PNPLA7: variants seen among roughly 807,000 people sequenced by gnomAD.
The protein encoded by PNPLA7 is patatin-like phospholipase domain-containing protein 7.
PNPLA7 carries 153 observed loss-of-function variants against 161.7 expected under a neutral mutation model. The ratio of observed to expected loss-of-function variants is 0.95; its 90% CI spans 0.83 to 1.08. The LOEUF (loss-of-function observed/expected upper bound fraction) is 1.08. Ranked by LOEUF, PNPLA7 falls within the 50% of genes least tolerant of loss-of-function variation. The probability of loss-of-function intolerance (pLI) is 0.00; values close to 1 mark genes in which losing one functional copy is unlikely to be tolerated. For synonymous variants in PNPLA7, 809 were observed against 782.1 expected (o/e 1.03, Z -0.57); for missense variants, 1,739 against 1,856.6 (o/e 0.94, Z 1.16).
chr9:137,510,124 C>T (rs552016758), intron 12 of PNPLA7, among the ~76,000 whole-genome samples: 3 of 152,238 alleles, frequency 2.0e-5, no homozygotes, highest in South Asian at 4.1e-4. Flanking sequence ...CGTTACCAGG[C>T]GGATCATGGT....
chr9:137,540,726 C>A lies in PNPLA7; in HGVS notation c.667-4G>T, dbSNP rs75956365. 5 of 1,606,362 alleles carry A rather than the reference C, an allele frequency of 3.1e-6. No homozygotes were observed. The highest frequency in any genetic ancestry group is 4.2e-6 in the Non-Finnish European group (5 of 1,176,778). ...TCACCACCACCTCGGTGCCGTCCTGCGCTTGGAGAGCAGAGTGGGTGCCGT... is the reference window on the plus strand; with the variant it reads ...TCACCACCACCTCGGTGCCGTCCTGAGCTTGGAGAGCAGAGTGGGTGCCGT... On this transcript the variant is annotated splice_polypyrimidine_tract_variant and splice_region_variant and intron_variant, in intron 7 of 34. Coordinates refer to ENST00000406427, the MANE Select transcript of PNPLA7 (RefSeq NM_001098537.3). The surrounding 1 kb of genome is among the most constrained non-coding windows in gnomAD (Gnocchi z 5.1).
rs934554421 is a variant in PNPLA7, at chr9:137,511,221, G to A, written c.1225+4158C>T. Among the ~76,000 whole-genome samples the A allele has an allele frequency of 4.7e-4, 72 of 151,968 alleles. 3 individuals carry two copies. The highest frequency in any genetic ancestry group is 2.1e-4 in the South Asian group (1 of 4,832). On this transcript the variant is annotated intron_variant, in intron 12 of 34. Transcript: ENST00000406427. ...GTTACTTAGTGGACCTTGGTCTGGC[G>A]GTAGCGCCAGCGCCTGGGAAGGCAC... is the stretch of plus-strand genomic sequence containing the variant.
rs1836333725 is a variant in PNPLA7, at chr9:137,543,610, GC to G, written c.366-39del. 1 of 1,605,972 alleles carries G rather than the reference GC, an allele frequency of 6.2e-7. No individual in the cohort carries two copies. Among genetic ancestry groups the G allele is most frequent in the South Asian group, 1.1e-5 (1 of 89,814 alleles). On this transcript the variant is annotated intron_variant, in intron 5 of 34. Coordinates refer to ENST00000406427, the MANE Select transcript of PNPLA7 (RefSeq NM_001098537.3). The surrounding 1 kb of genome is among the most constrained non-coding windows in gnomAD (Gnocchi z 6.9). ...GACACACTAGCCTTGAGCAGACCAG[GC>G]GGGTTCGAAACCCACAGCATCAGTG...
chr9:137,525,152 G>A lies in PNPLA7; in HGVS notation c.748-2295C>T, dbSNP rs994835637. On this transcript the variant is annotated intron_variant, in intron 8 of 34. Transcript: ENST00000406427. Reference sequence around the variant, plus strand: ...CAGCCCAACCTCCCACCTGCGGGGAGGGGAGGAAGCTAGACATCGAGTTGG... The same window carrying A: ...CAGCCCAACCTCCCACCTGCGGGGAAGGGAGGAAGCTAGACATCGAGTTGG... Among the ~76,000 whole-genome samples, 4 of 152,334 alleles carry A rather than the reference G, an allele frequency of 2.6e-5. No individual in the cohort carries two copies. In the East Asian group the frequency reaches 7.7e-4, roughly 29 times the overall value.
intron 33 of PNPLA7, chr9:137,461,064 G>A: frequency 2.7e-6 from 1 of 371,920 alleles, no homozygotes; most frequent in Non-Finnish European, 5.0e-6. Context: ...CTTGCCCAGG[G>A]CCCTCTCGGC....
intron 20 of PNPLA7, among the ~76,000 whole-genome samples, chr9:137,487,994 A>G (rs1222326130): frequency 2.0e-5 from 3 of 152,266 alleles, no homozygotes; most frequent in African/African-American, 7.2e-5. Context: ...CTAGGCGCTG[A>G]GTGGAAGGCA....
chr9:137,532,795 G>A (rs1835647206), intron 8 of PNPLA7, among the ~76,000 whole-genome samples: 1 of 152,128 alleles, frequency 6.6e-6, no homozygotes, highest in African/African-American at 2.4e-5. Context: ...TTTTCCCCGT[G>A]GCCAGAGGAC....
chr9:137,539,112 G>T (rs1836050467), intron 8 of PNPLA7, among the ~76,000 whole-genome samples: 1 of 152,026 alleles, frequency 6.6e-6, no homozygotes, highest in South Asian at 2.1e-4. Context: ...CCAGCACTTT[G>T]GGAGGCCAAG....
rs1049767788 is a variant in PNPLA7, at chr9:137,500,305, CAG to C, written c.1757+384_1757+385del. ...GCTCCCGACACGTCAGCCCAGGCTG[CAG>C]AGGTGGGACGGCTCACGGCCCCTGA... On this transcript the variant is annotated intron_variant, in intron 16 of 34. Transcript: ENST00000406427. This position sits in a 1 kb window ranked among gnomAD's most constrained non-coding sequence, Gnocchi z 5.5. 2.0e-5 allele frequency among the ~76,000 whole-genome samples: 3 copies of C among 152,202 alleles called. No homozygotes were observed. The highest frequency in any genetic ancestry group is 7.2e-5 in the African/African-American group (3 of 41,420).
chr9:137,516,634 T>C (rs1256353370), intron 11 of PNPLA7: 4 of 504,242 alleles, frequency 7.9e-6, no homozygotes, highest in Admixed American at 6.4e-5. Flanking sequence ...CGTAGTAAGA[T>C]GCCATCTTTA....
rs1383111772 is a variant in PNPLA7 at position 137,462,199 on chromosome 9, C to G, written c.3625G>C (p.Gly1209Arg). The change falls in exon 31 of 35, where the codon GGC becomes CGC. Residue 1209 changes from glycine to arginine, a missense_variant. Gly to Arg is a moderately radical substitution (Grantham distance 125, BLOSUM62 -2). Transcript: ENST00000406427. ...CTCACGCAGATCTCGTTGAACTTGC[C>G]GAAGTCCAGGGTGCTGTAGCTGTCG... ...PIDSYSTLDF[G>R]KFNEICEVGY... The G allele has an allele frequency of 1.9e-6, 3 of 1,571,484 alleles. No individual in the cohort carries two copies. Among genetic ancestry groups the G allele is most frequent in the South Asian group, 1.2e-5 (1 of 86,464 alleles).
At position 137,467,473 on chromosome 9, in the gene PNPLA7, T is replaced by C. The variant is rs768310848; in HGVS notation, c.2883A>G (p.Arg961=). 1 of 1,612,688 alleles carries C rather than the reference T, an allele frequency of 6.2e-7. No individual in the cohort carries two copies. The highest frequency in any genetic ancestry group is 2.2e-5 in the East Asian group (1 of 44,884). ...TGAGAACGCCCACCTGGGCACAGCC[T>C]CTACACCAGCCAGGGACACAGAGCA... ...IALVLGGGGA[R]GCAQVGVLKA... The change falls in exon 26 of 35, where the codon AGA becomes AGG. Residue 961 remains arginine, a splice_region_variant and synonymous_variant. Transcript: ENST00000406427. The surrounding 1 kb of genome is among the most constrained non-coding windows in gnomAD (Gnocchi z 5.1).
intron 12 of PNPLA7, 124 bp downstream of exon 12, chr9:137,515,255 G>T: frequency 1.5e-6 from 2 of 1,297,242 alleles, no homozygotes; most frequent in East Asian, 2.6e-5. Context: ...CCCTGGGCAC[G>T]TGGGGCTCTA....
rs765928280 is a variant in PNPLA7, at chr9:137,521,702, C to T, written c.891G>A (p.Arg297=). 2 of 1,610,946 alleles carry T rather than the reference C, an allele frequency of 1.2e-6. No individual in the cohort carries two copies. The highest frequency in any genetic ancestry group is 1.7e-6 in the Non-Finnish European group (2 of 1,179,730). ...GAGCCAGAAAGGTCACCCTCTGCAG[C>T]CGCACCATGATGATCTGCAAGAACA... ...LVRVVQIIMV[R]LQRVTFLALH... Residue 297 remains arginine, a synonymous_variant, in exon 10 of 35, where the codon CGG becomes CGA. Transcript: ENST00000406427.
intron 14 of PNPLA7, among the ~76,000 whole-genome samples, chr9:137,503,918 G>GGAA (rs200718427): frequency 6.6e-5 from 1 of 15,240 alleles, no homozygotes; most frequent in Non-Finnish European, 1.3e-4. Flanking sequence ...GAAAGAAGAA[G>GGAA]GAAGAAGAAG....
chr9:137,469,014 A>T (rs1442020214), intron 25 of PNPLA7, among the ~76,000 whole-genome samples: 2 of 152,234 alleles, frequency 1.3e-5, no homozygotes, highest in Non-Finnish European at 2.9e-5. Flanking sequence ...ATTGCACTCC[A>T]GCCTGGGCAA....
rs760675381 is a variant in PNPLA7, at chr9:137,461,991, G to A, written c.3696C>T (p.Ser1232=). Residue 1232 remains serine (S), a synonymous_variant, in exon 32 of 35, where the codon AGC becomes AGT. Transcript: ENST00000406427. ...CGCGGAGCATCTTCTCCAGCACGCC[G>A]CTGCGGCCCCAGATGTCAAACACCG... ...GRTVFDIWGR[S]GVLEKMLRDQ... 6 of 1,602,464 alleles carry A rather than the reference G, an allele frequency of 3.7e-6. No homozygotes were observed. In the South Asian group the frequency reaches 4.5e-5, roughly 12 times the overall value.
At chr9:137,495,002 C>T (rs376791945) in intron 19 of PNPLA7, 31 bp downstream of exon 19, 123 of 1,570,170 alleles carry the variant, frequency 7.8e-5, no homozygotes, top group African/African-American at 2.2e-4. Flanking sequence ...CACCCTCATC[C>T]GCTCCGCATC....
intron 12 of PNPLA7, among the ~76,000 whole-genome samples, chr9:137,506,551 G>C (rs1035972056): frequency 5.3e-5 from 8 of 152,248 alleles, no homozygotes; most frequent in Admixed American, 5.2e-4. Flanking sequence ...CTGGTGCTTT[G>C]GGCTTGGCTC....
Sources: gnomAD v4.1 joint callset for allele counts (sites outside exome capture counted in the v4.1 genomes callset) on GRCh38, gnomAD v4.1.1 for gene constraint, Gnocchi (gnomAD v3.1) non-coding constraint, MANE v1.5 for transcripts, NCBI Gene and HGNC (gene_info 2026-07-23, HGNC 2026-07-21) for gene names.